LRRC38: variants seen among roughly 807,000 people sequenced by gnomAD.
LRRC38 encodes the protein leucine rich repeat containing 38.
Under a neutral mutation model 16.4 loss-of-function variants are expected in LRRC38, and 5 were observed. The observed-to-expected ratio is 0.31, with a 90% CI of 0.16 to 0.64. The LOEUF is 0.64. Among genes scored for constraint, LRRC38 ranks in the 30% least tolerant of loss-of-function variants. The probability of loss-of-function intolerance (pLI) is 0.80; values close to 1 mark genes in which losing one functional copy is unlikely to be tolerated. For synonymous variants in LRRC38, 191 were observed against 190.2 expected, an observed-to-expected ratio of 1.00 and a Z score of -0.04; for missense variants, 341 against 401.8, an observed-to-expected ratio of 0.85 and a Z score of 1.29.
At position 13,474,992 on chromosome 1, in the gene LRRC38, A is replaced by T. The variant is rs1420424654; in HGVS notation, c.*854T>A. ...ATTGAGTGGCTTACAAACAACAGACATTTATTTATTTCTCCCAGTTCTGGA... is the reference window on the plus strand; with the variant it reads ...ATTGAGTGGCTTACAAACAACAGACTTTTATTTATTTCTCCCAGTTCTGGA... On this transcript the variant is annotated 3_prime_UTR_variant, in exon 2 of 2. Coordinates refer to ENST00000376085, the MANE Select transcript of LRRC38 (RefSeq NM_001010847.2). The T allele has an allele frequency of 3.3e-5, 5 of 152,126 alleles. No individual in the cohort carries two copies. Among genetic ancestry groups the T allele is most frequent in the Admixed American group, 3.3e-4 (5 of 15,270 alleles). The allele number at this position is 152,126 out of a possible 1,614,324, so 9.4% of individuals were successfully genotyped here. A position where few individuals can be genotyped will look rare whatever the true frequency, so the allele number is the denominator to read the frequency against.
In LRRC38 at chr1:13,475,818, G is replaced by A; in HGVS notation, c.*28C>T. ...AGAGAGCTTCTGGTTCGGTGCTGGA[G>A]AGTAAGAGGCAGGAGGGAGGAGGTG... On this transcript the variant is annotated 3_prime_UTR_variant, in exon 2 of 2. Transcript: ENST00000376085. The surrounding 1 kb of genome is among the most constrained non-coding windows in gnomAD (Gnocchi z 4.3). 6.5e-7 allele frequency: 1 copy of A among 1,545,410 alleles called. No homozygotes were observed. Among genetic ancestry groups the A allele is most frequent in the Non-Finnish European group, 8.7e-7 (1 of 1,144,106 alleles).
rs139944227 is a variant in LRRC38 at position 13,486,748 on chromosome 1, G to A, written c.632-10649C>T. On this transcript the variant is annotated intron_variant, in intron 1 of 1. Transcript: ENST00000376085. Reference sequence around the variant, plus strand: ...TGGGGTTACAGGCACACACCACCACGCCCAGCTAATTTTTGTATTTTTAGT... The same window carrying A: ...TGGGGTTACAGGCACACACCACCACACCCAGCTAATTTTTGTATTTTTAGT... Among the ~76,000 whole-genome samples, 1,504 of 151,866 alleles carry A rather than the reference G, an allele frequency of 9.9e-3. 24 individuals carry two copies. Among genetic ancestry groups the A allele is most frequent in the African/African-American group, 0.034 (1,419 of 41,402 alleles).
chr1:13,497,953 A>T lies in LRRC38; in HGVS notation c.631+15010T>A, dbSNP rs944182790. Among the ~76,000 whole-genome samples, 3 of 109,360 alleles carry T rather than the reference A, an allele frequency of 2.7e-5. No individual in the cohort carries two copies. In the East Asian group the frequency reaches 7.6e-4, roughly 28 times the overall value. The allele number at this position is 109,360 out of a possible 152,430, so 71.7% of individuals were successfully genotyped here. On this transcript the variant is annotated intron_variant, in intron 1 of 1. Transcript: ENST00000376085. Reference sequence around the variant, plus strand: ...TCAGCCTGGGCAACAAGAGTGAAAAACTCCATCACAAAAAAAAAAAAAAAA... The same window carrying T: ...TCAGCCTGGGCAACAAGAGTGAAAATCTCCATCACAAAAAAAAAAAAAAAA...
intron 1 of LRRC38, among the ~76,000 whole-genome samples, chr1:13,511,667 C>T (rs772401146): frequency 3.9e-5 from 6 of 152,100 alleles, no homozygotes; most frequent in East Asian, 1.9e-4. Flanking sequence ...GCTTTTCATC[C>T]GGTCACTCCT....
chr1:13,508,636 C>A (rs1481555854), intron 1 of LRRC38, among the ~76,000 whole-genome samples: 1 of 152,160 alleles, frequency 6.6e-6, no homozygotes. Flanking sequence ...ATGATACTTT[C>A]GGCATTTCCC....
rs947717442 is a variant in LRRC38, at chr1:13,475,959, C to T, written c.772G>A (p.Val258Met). The change falls in exon 2 of 2, where the codon GTG becomes ATG. Residue 258 changes from valine to methionine, a missense_variant. By Grantham distance (21) the Val-to-Met change is conservative. Transcript: ENST00000376085. The surrounding 1 kb of genome is among the most constrained non-coding windows in gnomAD (Gnocchi z 4.3). ...CTGGAGATGATGGCCGCAATGGACA[C>T]GGCCACACCGGAGAAAATGATGATG... Reference protein sequence around the residue: ...LCIIIFSGVAVSIAAIISSFF... With the variant: ...LCIIIFSGVAMSIAAIISSFF... 52 of 1,550,414 alleles carry T rather than the reference C, an allele frequency of 3.4e-5. 1 individual carries two copies. Among genetic ancestry groups the T allele is most frequent in the Middle Eastern group, 1.7e-4 (1 of 6,014 alleles).
chr1:13,494,312 T>G (rs1195991762), intron 1 of LRRC38, among the ~76,000 whole-genome samples: 1 of 152,034 alleles, frequency 6.6e-6, no homozygotes, highest in East Asian at 1.9e-4. Flanking sequence ...CCTCAGGAAC[T>G]GAGTCCTTTG....
At chr1:13,484,980 T>G (rs1448721900) in intron 1 of LRRC38, among the ~76,000 whole-genome samples, 3 of 152,176 alleles carry the variant, frequency 2.0e-5, no homozygotes, top group Admixed American at 2.0e-4. Flanking sequence ...CCTGTTGCCT[T>G]AAGAATGCTT....
chr1:13,504,981 ACTT>A (rs1038515059), intron 1 of LRRC38, among the ~76,000 whole-genome samples: 2 of 152,072 alleles, frequency 1.3e-5, no homozygotes, highest in Non-Finnish European at 2.9e-5. Context: ...TGCTCCCACG[ACTT>A]CCTGGGGCTT....
rs183155793 is a variant in LRRC38, at chr1:13,497,848, C to T, written c.631+15115G>A. Among the ~76,000 whole-genome samples, 8 of 150,806 alleles carry T rather than the reference C, an allele frequency of 5.3e-5. 1 individual carries two copies. The East Asian group carries it at 1.6e-3, about 30-fold the overall frequency. ...TAGTTGTGTACGCCTGCAATCCCAG[C>T]TACTCAGGAGATGAGGCAGGAGAAT... On this transcript the variant is annotated intron_variant, in intron 1 of 1. Coordinates refer to ENST00000376085, the MANE Select transcript of LRRC38 (RefSeq NM_001010847.2).
At chr1:13,480,795 C>T (rs1023544941) in intron 1 of LRRC38, among the ~76,000 whole-genome samples, 1 of 152,172 alleles carries the variant, frequency 6.6e-6, no homozygotes. Context: ...GTCCATTAAA[C>T]CTCTTTCCTT....
intron 1 of LRRC38, among the ~76,000 whole-genome samples, chr1:13,485,333 T>C (rs4661595): frequency 0.16 from 24,390 of 148,252 alleles, 2,033 homozygotes; most frequent in East Asian, 0.24. Flanking sequence ...ATCCCAGCAC[T>C]TTGGGAGGCC....
intron 1 of LRRC38, among the ~76,000 whole-genome samples, chr1:13,482,207 C>T (rs1638878007): frequency 6.6e-6 from 1 of 151,988 alleles, no homozygotes; most frequent in African/African-American, 2.4e-5. Context: ...AGAGAGGTGG[C>T]CCTGGCCTCT....
intron 1 of LRRC38, among the ~76,000 whole-genome samples, chr1:13,497,964 A>C (rs1639100437): frequency 1.5e-5 from 2 of 136,528 alleles, no homozygotes; most frequent in South Asian, 4.6e-4. Context: ...CTCCATCACA[A>C]AAAAAAAAAA....
At position 13,482,245 on chromosome 1, in the gene LRRC38, T is replaced by C. The variant is rs544359117; in HGVS notation, c.632-6146A>G. Among the ~76,000 whole-genome samples, 4 of 151,838 alleles carry C rather than the reference T, an allele frequency of 2.6e-5. No individual in the cohort carries two copies. The East Asian group carries it at 5.9e-4, about 22-fold the overall frequency. ...GAGCTTAGGTCTTACAGGAGAGGCA[T>C]AGGGACACAGGCACAAAAGAGGACA... On this transcript the variant is annotated intron_variant, in intron 1 of 1. Coordinates refer to ENST00000376085, the MANE Select transcript of LRRC38 (RefSeq NM_001010847.2).
At chr1:13,488,144 T>C (rs1557497831) in intron 1 of LRRC38, among the ~76,000 whole-genome samples, 1 of 152,026 alleles carries the variant, frequency 6.6e-6, no homozygotes, top group Admixed American at 6.6e-5. Flanking sequence ...TCAACAAATA[T>C]ATCATTTTCA....
At chr1:13,493,265 C>G (rs574993229) in intron 1 of LRRC38, among the ~76,000 whole-genome samples, 2 of 147,928 alleles carry the variant, frequency 1.4e-5, no homozygotes, top group African/African-American at 2.5e-5. Flanking sequence ...CAGCGGGGCT[C>G]GGTGCTGCAG....
chr1:13,479,301 T>C (rs1247031595), intron 1 of LRRC38, among the ~76,000 whole-genome samples: 1 of 152,122 alleles, frequency 6.6e-6, no homozygotes, highest in Admixed American at 6.5e-5. Context: ...GCACAGACAG[T>C]TTCTAAAGCC....
rs889414347 is a variant in LRRC38 at position 13,487,930 on chromosome 1, C to T, written c.632-11831G>A. Reference sequence around the variant, plus strand: ...TGTTTTCTTATCTCCACATATTAGGCAAAGCTCACATATATACTGAGACAA... The same window carrying T: ...TGTTTTCTTATCTCCACATATTAGGTAAAGCTCACATATATACTGAGACAA... On this transcript the variant is annotated intron_variant, in intron 1 of 1. Coordinates refer to ENST00000376085, the MANE Select transcript of LRRC38 (RefSeq NM_001010847.2). The surrounding 1 kb of genome is among the most constrained non-coding windows in gnomAD (Gnocchi z 4.4). 6.6e-6 allele frequency among the ~76,000 whole-genome samples: 1 copy of T among 151,700 alleles called. No individual in the cohort carries two copies. The highest frequency in any genetic ancestry group is 1.5e-5 in the Non-Finnish European group (1 of 67,980).
Sources: gnomAD v4.1 joint callset for allele counts (sites outside exome capture counted in the v4.1 genomes callset) on GRCh38, gnomAD v4.1.1 for gene constraint, Gnocchi (gnomAD v3.1) non-coding constraint, MANE v1.5 for transcripts, NCBI Gene and HGNC (gene_info 2026-07-23, HGNC 2026-07-21) for gene names.